The following MLLT3 variants were observed in gnomAD, a reference collection of about 807,000 sequenced individuals.
MLLT3 encodes the protein MLLT3 super elongation complex subunit, also known as protein AF-9.
MLLT3 carries 4 observed loss-of-function variants against 53.2 expected under a neutral mutation model. The observed-to-expected ratio is 0.08, with a 90% CI of 0.04 to 0.17. The LOEUF is 0.17. Among genes scored for constraint, MLLT3 ranks in the 10% least tolerant of loss-of-function variants. The pLI is 1.00. For synonymous variants in MLLT3, 283 were observed against 230.6 expected (o/e 1.23, Z -2.06); for missense variants, 569 against 684.0 (o/e 0.83, Z 1.87).
chr9:20,370,731 G>C (rs139381791), intron 5 of MLLT3, among the ~76,000 whole-genome samples: 1 of 152,006 alleles, frequency 6.6e-6, no homozygotes, highest in Non-Finnish European at 1.5e-5. Flanking sequence ...GGCTGATCTC[G>C]AACTCTTGAC....
intron 4 of MLLT3, among the ~76,000 whole-genome samples, chr9:20,440,882 A>G (rs1397287952): frequency 6.6e-6 from 1 of 152,138 alleles, no homozygotes; most frequent in African/African-American, 2.4e-5. Context: ...GGATTAAGTG[A>G]CAACTTTAAG....
At chr9:20,407,665 T>C (rs1016962) in intron 5 of MLLT3, among the ~76,000 whole-genome samples, 28,361 of 152,142 alleles carry the variant, frequency 0.19, 6,582 homozygotes, top group African/African-American at 0.54. Flanking sequence ...ACACTACCTA[T>C]CAAGTGGGTT....
intron 2 of MLLT3, among the ~76,000 whole-genome samples, chr9:20,462,980 A>G (rs1439785220): frequency 6.6e-6 from 1 of 152,180 alleles, no homozygotes; most frequent in South Asian, 2.1e-4. Context: ...AACACTGAAA[A>G]CAATGAAACA....
At chr9:20,349,252 T>C (rs919084099) in intron 10 of MLLT3, among the ~76,000 whole-genome samples, 4 of 152,224 alleles carry the variant, frequency 2.6e-5, no homozygotes, top group African/African-American at 7.2e-5. Flanking sequence ...ATGAGAGTAA[T>C]GCTACCTGTT....
At chr9:20,403,595 C>A (rs1822508908) in intron 5 of MLLT3, among the ~76,000 whole-genome samples, 2 of 152,150 alleles carry the variant, frequency 1.3e-5, no homozygotes, top group African/African-American at 4.8e-5. Flanking sequence ...TGGTAAACAA[C>A]AGTAAATGTG....
At chr9:20,346,765 T>C (rs1820881234) in intron 10 of MLLT3, among the ~76,000 whole-genome samples, 191 bp from the exon 11 acceptor site, 1 of 152,164 alleles carries the variant, frequency 6.6e-6, no homozygotes, top group Admixed American at 6.5e-5. Flanking sequence ...TATTAAGCCT[T>C]AGAAATTCCC....
At chr9:20,381,717 C>T (rs976331428) in intron 5 of MLLT3, among the ~76,000 whole-genome samples, 1 of 151,772 alleles carries the variant, frequency 6.6e-6, no homozygotes. Context: ...ACAAGGGATA[C>T]TCTGTTATTT....
chr9:20,553,633 CA>C (rs1371315397), intron 2 of MLLT3, among the ~76,000 whole-genome samples: 1 of 152,172 alleles, frequency 6.6e-6, no homozygotes, highest in Non-Finnish European at 1.5e-5. Context: ...ATGCCTATGA[CA>C]GAAAATTCAT....
At chr9:20,465,894 T>C (rs1468233472) in intron 2 of MLLT3, among the ~76,000 whole-genome samples, 2 of 152,144 alleles carry the variant, frequency 1.3e-5, no homozygotes, top group Non-Finnish European at 2.9e-5. Flanking sequence ...AGGGTACATA[T>C]AGGAGTACAG....
chr9:20,588,854 T>A lies in MLLT3; in HGVS notation c.193+31800A>T, dbSNP rs183420184. Among the ~76,000 whole-genome samples the A allele has an allele frequency of 3.6e-3, 543 of 152,128 alleles. 3 individuals are homozygous for A. Among genetic ancestry groups the A allele is most frequent in the Admixed American group, 6.0e-3 (92 of 15,292 alleles). ...AAAAAATGCTCACCATCACTGGCCATCAGAGAAATGCAAATCAAAACCACA... is the reference window on the plus strand; with the variant it reads ...AAAAAATGCTCACCATCACTGGCCAACAGAGAAATGCAAATCAAAACCACA... On this transcript the variant is annotated intron_variant, in intron 2 of 10. Coordinates refer to ENST00000380338, the MANE Select transcript of MLLT3 (RefSeq NM_004529.4).
At chr9:20,613,793 A>G (rs2099638986) in intron 2 of MLLT3, among the ~76,000 whole-genome samples, 9 of 152,314 alleles carry the variant, frequency 5.9e-5, no homozygotes. Context: ...GCCTGAGGAA[A>G]TATAAACTGG....
chr9:20,616,714 T>C (rs954799522), intron 2 of MLLT3, among the ~76,000 whole-genome samples: 3 of 152,194 alleles, frequency 2.0e-5, no homozygotes, highest in African/African-American at 7.2e-5. Context: ...AAGATCTTCC[T>C]GCATCTACAA....
intron 2 of MLLT3, among the ~76,000 whole-genome samples, chr9:20,555,208 T>C (rs1457618525): frequency 1.3e-5 from 2 of 152,184 alleles, no homozygotes; most frequent in Non-Finnish European, 2.9e-5. Context: ...CTTAACCTAA[T>C]CTTACACTGG....
chr9:20,370,554 A>T (rs921051027), intron 5 of MLLT3, among the ~76,000 whole-genome samples: 1 of 151,890 alleles, frequency 6.6e-6, no homozygotes, highest in African/African-American at 2.4e-5. Context: ...CTTGTTGCCT[A>T]GGCTGCAGTA....
chr9:20,591,318 C>G (rs1271927189), intron 2 of MLLT3, among the ~76,000 whole-genome samples: 1 of 152,112 alleles, frequency 6.6e-6, no homozygotes, highest in Non-Finnish European at 1.5e-5. Flanking sequence ...TTCACATTCC[C>G]AGATTTCACT....
At position 20,359,579 on chromosome 9, in the gene MLLT3, A is replaced by T. The variant is rs957419372; in HGVS notation, c.1431+1163T>A. Among the ~76,000 whole-genome samples, 4 of 152,266 alleles carry T rather than the reference A, an allele frequency of 2.6e-5. No homozygotes were observed. The South Asian group carries it at 8.3e-4, about 32-fold the overall frequency. On this transcript the variant is annotated intron_variant, in intron 8 of 10. Transcript: ENST00000380338. Reference sequence around the variant, plus strand: ...TCCTACTTAACAAGAACGGATTTGCATTATAGACAAACCTTATAAATGAGG... The same window carrying T: ...TCCTACTTAACAAGAACGGATTTGCTTTATAGACAAACCTTATAAATGAGG...
chr9:20,425,462 G>C (rs746647919), intron 4 of MLLT3, among the ~76,000 whole-genome samples: 1 of 152,128 alleles, frequency 6.6e-6, no homozygotes, highest in South Asian at 2.1e-4. Context: ...CTTCACAAAT[G>C]TACTTTATCC....
chr9:20,534,443 G>T (rs1013632847), intron 2 of MLLT3, among the ~76,000 whole-genome samples: 2 of 152,162 alleles, frequency 1.3e-5, no homozygotes, highest in African/African-American at 4.8e-5. Context: ...TTTAGAAATA[G>T]TTATGAATTC....
chr9:20,413,799 TTTC>T lies in MLLT3; in HGVS notation c.1044_1046del (p.Lys349del), dbSNP rs1282069505. The T allele has an allele frequency of 6.2e-6, 10 of 1,613,778 alleles. No homozygotes were observed. Among genetic ancestry groups the T allele is most frequent in the Middle Eastern group, 1.6e-4 (1 of 6,080 alleles). ...TATCATCAAATGGCGGTAACGTTGATTTCTTCTTCTCTGATGTCTCACTTTCAA... is the reference window on the plus strand; with the variant it reads ...TATCATCAAATGGCGGTAACGTTGATTTCTTCTCTGATGTCTCACTTTCAA... On this transcript the variant is annotated inframe_deletion, in exon 5 of 11. Transcript: ENST00000380338.
Sources: allele counts gnomAD v4.1 joint callset (sites outside exome capture counted in the v4.1 genomes callset), GRCh38; gene constraint gnomAD v4.1.1; transcripts MANE v1.5; gene names NCBI Gene and HGNC (gene_info 2026-07-23, HGNC 2026-07-21).